Variants in CNPY1 observed in about 807,000 individuals in gnomAD.
CNPY1 encodes the protein protein canopy homolog 1.
In CNPY1, 14 loss-of-function variants were observed where a neutral mutation model predicts 14.4. The ratio of observed to expected loss-of-function variants is 0.97; its 90% CI spans 0.64 to 1.52. The LOEUF (loss-of-function observed/expected upper bound fraction) is 1.52, where lower values mean the gene tolerates loss of function less well. Among genes scored for constraint, CNPY1 ranks in the 40% most tolerant of loss-of-function variants. The pLI is 0.00. For missense variants in CNPY1, 129 were observed against 131.5 expected (o/e 0.98, Z 0.09); for synonymous variants, 43 against 46.5 (o/e 0.92, Z 0.31).
intron 2 of CNPY1, among the ~76,000 whole-genome samples, chr7:155,519,470 G>A (rs1457438160): frequency 1.3e-5 from 2 of 151,678 alleles, no homozygotes; most frequent in East Asian, 1.9e-4. Flanking sequence ...GTGGTGGACC[G>A]ACATCGCACC....
chr7:155,529,035 TG>T (rs1796887483), intron 2 of CNPY1, among the ~76,000 whole-genome samples: 1 of 147,580 alleles, frequency 6.8e-6, no homozygotes, highest in African/African-American at 2.5e-5. Flanking sequence ...CACTCCAGCC[TG>T]GGTGACAGAG....
intron 2 of CNPY1, among the ~76,000 whole-genome samples, chr7:155,528,587 C>G (rs975467420): frequency 6.6e-6 from 1 of 152,234 alleles, no homozygotes; most frequent in Non-Finnish European, 1.5e-5. Flanking sequence ...GGACCCCTGT[C>G]CCCGCATAGG....
chr7:155,504,703 C>CACACACAG (rs930196985), intron 4 of CNPY1, among the ~76,000 whole-genome samples: 3 of 150,566 alleles, frequency 2.0e-5, no homozygotes, highest in African/African-American at 7.3e-5. Flanking sequence ...CACACACACA[C>CACACACAG]ACACACACAC....
intron 2 of CNPY1, among the ~76,000 whole-genome samples, chr7:155,523,393 G>T (rs904278555): frequency 7.2e-5 from 11 of 152,222 alleles, no homozygotes; most frequent in Admixed American, 2.0e-4. Flanking sequence ...GGCTGCAAAG[G>T]TCAATGTTAG....
At chr7:155,511,669 C>A (rs1428007476) in intron 2 of CNPY1, among the ~76,000 whole-genome samples, 1 of 152,026 alleles carries the variant, frequency 6.6e-6, no homozygotes, top group East Asian at 1.9e-4. Flanking sequence ...ATTCGCTAGC[C>A]CTTTAGAGTA....
intron 2 of CNPY1, among the ~76,000 whole-genome samples, chr7:155,515,223 A>G (rs1441045249): frequency 1.3e-5 from 2 of 151,550 alleles, no homozygotes; most frequent in African/African-American, 2.4e-5. Flanking sequence ...CCTGTGGTCC[A>G]TGCACAGGGC....
intron 1 of CNPY1, among the ~76,000 whole-genome samples, 196 bp from the exon 2 acceptor site, chr7:155,546,139 T>G (rs987016808): frequency 6.6e-6 from 1 of 152,188 alleles, no homozygotes; most frequent in African/African-American, 2.4e-5. Context: ...TGTTCCCTTT[T>G]GTACTTTGTG....
At chr7:155,538,783 G>A (rs1023585174) in intron 2 of CNPY1, among the ~76,000 whole-genome samples, 1 of 152,064 alleles carries the variant, frequency 6.6e-6, no homozygotes, top group African/African-American at 2.4e-5. Flanking sequence ...GCTGACTCGC[G>A]CCCCCTCCTA....
In CNPY1 at chr7:155,509,010, G is replaced by A; in HGVS notation, c.187C>T (p.Pro63Ser). The change falls in exon 3 of 5, where the codon CCT becomes TCT. Residue 63 changes from proline to serine, a missense_variant. Physicochemically the swap from Pro to Ser is moderately conservative, Grantham distance 74 (BLOSUM62 -1). Transcript: ENST00000636446. ...TTGAAAGTTCTCTCCTTCGTCACAGGGTCTTCCTCAAGCTTGTAGTCGTTC... is the reference window on the plus strand; with the variant it reads ...TTGAAAGTTCTCTCCTTCGTCACAGAGTCTTCCTCAAGCTTGTAGTCGTTC... Reference protein sequence around the residue: ...RMNDYKLEEDPVTKERTFKRF... With the variant: ...RMNDYKLEEDSVTKERTFKRF... 9 of 1,613,774 alleles carry A rather than the reference G, an allele frequency of 5.6e-6. No individual in the cohort carries two copies. Among genetic ancestry groups the A allele is most frequent in the Non-Finnish European group, 7.6e-6 (9 of 1,179,872 alleles).
At chr7:155,507,256 T>C (rs1796350030) in intron 3 of CNPY1, 140 bp from the exon 4 acceptor site, 1 of 642,538 alleles carries the variant, frequency 1.6e-6, no homozygotes, top group Non-Finnish European at 2.8e-6. Flanking sequence ...GCCCTTTTGG[T>C]TTAATACATC....
At chr7:155,504,818 A>AAAGCAG (rs1344818406) in intron 4 of CNPY1, among the ~76,000 whole-genome samples, 1 of 152,148 alleles carries the variant, frequency 6.6e-6, no homozygotes, top group Non-Finnish European at 1.5e-5. Flanking sequence ...TCGCCTTCAC[A>AAAGCAG]AAGCAGAGTA....
intron 4 of CNPY1, among the ~76,000 whole-genome samples, chr7:155,504,685 C>CAA (rs1796236076): frequency 4.0e-5 from 5 of 125,552 alleles, no homozygotes; most frequent in South Asian, 2.8e-4. Flanking sequence ...GTTTCATACC[C>CAA]CCCAACACAC....
intron 2 of CNPY1, among the ~76,000 whole-genome samples, chr7:155,532,552 C>T (rs1452019798): frequency 1.3e-5 from 2 of 151,886 alleles, no homozygotes; most frequent in Admixed American, 6.5e-5. Context: ...ACCCGGGAGG[C>T]GGAGCTTGCA....
intron 4 of CNPY1, among the ~76,000 whole-genome samples, chr7:155,505,502 T>C (rs911915810): frequency 6.6e-6 from 1 of 152,240 alleles, no homozygotes; most frequent in Non-Finnish European, 1.5e-5. Context: ...GTTAAGATTA[T>C]TGAAATTAAG....
intron 4 of CNPY1, among the ~76,000 whole-genome samples, chr7:155,504,689 A>AACACACACACACACACACACACAC: frequency 6.9e-6 from 1 of 145,294 alleles, no homozygotes; most frequent in African/African-American, 2.6e-5. Context: ...CATACCCCCC[A>AACACACACACACACACACACACAC]ACACACACAC....
At position 155,508,935 on chromosome 7, in the gene CNPY1, A is replaced by G; in HGVS notation, c.262T>C (p.Leu88=). ...GDKIYQEFKK[L]YFYSDAYRPL... is the part of the protein sequence containing the mutation. ...CTGTAAGCATCAGAATAAAAATACA[A>G]TTTTTTAAATTCTTGGTATATTTTG... The change falls in exon 3 of 5, where the codon TTG becomes CTG. Residue 88 remains leucine (L), a synonymous_variant. Transcript: ENST00000636446. 1.2e-6 allele frequency: 2 copies of G among 1,613,568 alleles called. No homozygotes were observed. The highest frequency in any genetic ancestry group is 1.7e-6 in the Non-Finnish European group (2 of 1,179,782).
intron 4 of CNPY1, among the ~76,000 whole-genome samples, chr7:155,505,184 A>G (rs1796261815): frequency 6.6e-6 from 1 of 152,224 alleles, no homozygotes; most frequent in South Asian, 2.1e-4. Flanking sequence ...TAGAACACCC[A>G]TAAATATGTT....
At chr7:155,525,794 C>T (rs185489542) in intron 2 of CNPY1, among the ~76,000 whole-genome samples, 20 of 152,314 alleles carry the variant, frequency 1.3e-4, no homozygotes, top group African/African-American at 4.6e-4. Context: ...AACCTGACAT[C>T]CCAGACACAA....
At chr7:155,537,877 A>C (rs1797041874) in intron 2 of CNPY1, among the ~76,000 whole-genome samples, 1 of 152,238 alleles carries the variant, frequency 6.6e-6, no homozygotes, top group African/African-American at 2.4e-5. Flanking sequence ...TTATGTTTTA[A>C]ATTTAACAAG....
Sources: allele counts gnomAD v4.1 joint callset (sites outside exome capture counted in the v4.1 genomes callset), GRCh38; gene constraint gnomAD v4.1.1; transcripts MANE v1.5; gene names NCBI Gene and HGNC (gene_info 2026-07-23, HGNC 2026-07-21).